DAB1: variants seen among roughly 807,000 people sequenced by gnomAD.
The protein encoded by DAB1 is DAB adaptor protein 1.
A neutral mutation model predicts 64.6 loss-of-function variants in DAB1; 15 were observed. The observed-to-expected ratio is 0.23, with a 90% CI of 0.16 to 0.36. The LOEUF is 0.36. Ranked by LOEUF, DAB1 falls within the 10% of genes least tolerant of loss-of-function variation. The probability of loss-of-function intolerance (pLI) is 1.00; values close to 1 mark genes in which losing one functional copy is unlikely to be tolerated. For synonymous variants in DAB1, 235 were observed against 251.9 expected (o/e 0.93, Z 0.64); for missense variants, 596 against 706.7 (o/e 0.84, Z 1.78).
chr1:57,983,896 G>A (rs920078968), intron 5 of DAB1, among the ~76,000 whole-genome samples: 2 of 152,024 alleles, frequency 1.3e-5, no homozygotes, highest in Non-Finnish European at 2.9e-5. Flanking sequence ...GAAATGGCTT[G>A]GCGTACATTT....
chr1:57,346,428 G>A (rs1485693181), intron 1 of DAB1, among the ~76,000 whole-genome samples: 1 of 152,174 alleles, frequency 6.6e-6, no homozygotes, highest in Non-Finnish European at 1.5e-5. Context: ...ATTAAATAGT[G>A]ATATGACAAT....
chr1:57,567,409 G>T (rs904648626), intron 7 of DAB1, among the ~76,000 whole-genome samples: 3 of 152,272 alleles, frequency 2.0e-5, no homozygotes, highest in African/African-American at 7.2e-5. Flanking sequence ...TCAACATAGT[G>T]TTGGAAGTTC....
At chr1:58,040,427 C>T (rs114512089) in intron 5 of DAB1, among the ~76,000 whole-genome samples, 2,046 of 152,218 alleles carry the variant, frequency 0.013, 42 homozygotes, top group African/African-American at 0.043. Flanking sequence ...TCTCATCTGC[C>T]GGCATCCAAG....
At chr1:57,581,932 T>C (rs1362253379) in intron 7 of DAB1, among the ~76,000 whole-genome samples, 1 of 152,158 alleles carries the variant, frequency 6.6e-6, no homozygotes, top group Non-Finnish European at 1.5e-5. Context: ...TTTCTCATAG[T>C]TTTTGAGGCT....
intron 2 of DAB1, among the ~76,000 whole-genome samples, chr1:57,150,056 A>C (rs1659512606): frequency 6.6e-6 from 1 of 152,042 alleles, no homozygotes; most frequent in Admixed American, 6.6e-5. Context: ...GGTCTAGAAC[A>C]TGAGTTCTGG....
chr1:57,040,294 T>C (rs958865681), intron 9 of DAB1, among the ~76,000 whole-genome samples: 4 of 152,026 alleles, frequency 2.6e-5, no homozygotes, highest in Non-Finnish European at 4.4e-5. Flanking sequence ...AGGGCAGTCA[T>C]CATAAAAACA....
chr1:57,644,777 C>T (rs1646172786), intron 7 of DAB1, among the ~76,000 whole-genome samples: 1 of 152,086 alleles, frequency 6.6e-6, no homozygotes, highest in African/African-American at 2.4e-5. Context: ...TCTGTTGTCT[C>T]ACATCTGATG....
chr1:58,085,740 T>C (rs1042221991), intron 5 of DAB1, among the ~76,000 whole-genome samples: 7 of 152,098 alleles, frequency 4.6e-5, no homozygotes, highest in Admixed American at 2.0e-4. Context: ...AATGAAATAA[T>C]TTCCCCCTAC....
chr1:58,487,624 T>C (rs1211881316), intron 3 of DAB1, among the ~76,000 whole-genome samples: 1 of 152,210 alleles, frequency 6.6e-6, no homozygotes. Context: ...GCTAATTTAT[T>C]ATGACTCTAT....
At chr1:57,124,653 C>T (rs1350158311) in intron 4 of DAB1, among the ~76,000 whole-genome samples, 4 of 152,138 alleles carry the variant, frequency 2.6e-5, no homozygotes, top group Non-Finnish European at 5.9e-5. Context: ...TGCAGATTTG[C>T]AATCTCCTAA....
rs751296345 is a variant in DAB1, at chr1:57,071,618, C to G, written c.462G>C (p.Leu154Phe). 8.7e-6 allele frequency: 14 copies of G among 1,613,472 alleles called. No homozygotes were observed. The Admixed American group carries it at 2.2e-4, about 25-fold the overall frequency. Residue 154 changes from leucine to phenylalanine, a missense_variant, in exon 6 of 15, where the codon TTG becomes TTC. Coordinates refer to ENST00000371236, the MANE Select transcript of DAB1 (RefSeq NM_001365792.1). ...CATAAATGAGTTGAAAGAGATCTCT[C>G]AAGTCCAGAATAACAGGTTCAGCCT... is the stretch of plus-strand genomic sequence containing the variant. ...AQAAEPVILDLRDLFQLIYEL... is the reference protein window; with the variant it reads ...AQAAEPVILDFRDLFQLIYEL...
At chr1:57,381,380 T>A (rs1000109516) in intron 1 of DAB1, among the ~76,000 whole-genome samples, 2 of 152,180 alleles carry the variant, frequency 1.3e-5, no homozygotes, top group African/African-American at 4.8e-5. Context: ...TGTAATTACA[T>A]TGGAGTCCAC....
rs1018943875 is a variant in DAB1 at position 58,236,147 on chromosome 1, T to A, written n.310-85559A>T. 2.1e-4 allele frequency among the ~76,000 whole-genome samples: 8 copies of A among 37,458 alleles called. 1 individual carries two copies. In the South Asian group the frequency reaches 3.4e-3, roughly 16 times the overall value. The allele number at this position is 37,458 out of a possible 152,430, so 24.6% of individuals were successfully genotyped here. On this transcript the variant is annotated intron_variant and non_coding_transcript_variant, in intron 4 of 20. Coordinates refer to the DAB1 transcript ENST00000485760. Reference sequence around the variant, plus strand: ...CCGCCCCCACTCCTCCTCACCTACCTCGTACTGCTCTGACTAATGAGCCAA... The same window carrying A: ...CCGCCCCCACTCCTCCTCACCTACCACGTACTGCTCTGACTAATGAGCCAA...
chr1:57,433,233 C>T (rs1025683018), intron 7 of DAB1, among the ~76,000 whole-genome samples: 1 of 152,052 alleles, frequency 6.6e-6, no homozygotes, highest in Non-Finnish European at 1.5e-5. Context: ...CATGAGAATG[C>T]AAAGGGACTT....
intron 3 of DAB1, among the ~76,000 whole-genome samples, chr1:58,479,376 T>C (rs1427996619): frequency 6.6e-6 from 1 of 152,222 alleles, no homozygotes; most frequent in East Asian, 1.9e-4. Context: ...AGGAAATTCC[T>C]TACAAGTAAT....
At chr1:58,217,139 T>G (rs11207177) in intron 4 of DAB1, among the ~76,000 whole-genome samples, 71,189 of 152,126 alleles carry the variant, frequency 0.47, 20,604 homozygotes, top group Non-Finnish European at 0.67. Flanking sequence ...TTCTATACAT[T>G]AATTCCCCAA....
At chr1:57,647,648 T>A (rs1418019269) in intron 7 of DAB1, among the ~76,000 whole-genome samples, 1 of 152,230 alleles carries the variant, frequency 6.6e-6, no homozygotes, top group African/African-American at 2.4e-5. Flanking sequence ...GGATGAATAC[T>A]TTTAAAACAG....
intron 3 of DAB1, among the ~76,000 whole-genome samples, chr1:58,346,591 T>C (rs1643999231): frequency 6.6e-6 from 1 of 152,214 alleles, no homozygotes; most frequent in Non-Finnish European, 1.5e-5. Context: ...TGAAATGCAA[T>C]GATTCATTTT....
At chr1:57,965,304 G>A (rs985495305) in intron 5 of DAB1, among the ~76,000 whole-genome samples, 3 of 152,156 alleles carry the variant, frequency 2.0e-5, no homozygotes, top group African/African-American at 7.2e-5. Flanking sequence ...CAATAGGATT[G>A]GGTGAATTGA....
Sources: allele counts gnomAD v4.1 joint callset (sites outside exome capture counted in the v4.1 genomes callset), GRCh38; gene constraint gnomAD v4.1.1; transcripts MANE v1.5; gene names NCBI Gene and HGNC (gene_info 2026-07-23, HGNC 2026-07-21).